Variants in CACNA1B observed in about 807,000 individuals in gnomAD.
CACNA1B encodes calcium voltage-gated channel subunit alpha1 B, also known as voltage-dependent N-type calcium channel subunit alpha-1B.
A neutral mutation model predicts 247.2 loss-of-function variants in CACNA1B; 70 were observed. The ratio of observed to expected loss-of-function variants is 0.28; its 90% confidence interval spans 0.23 to 0.35. The LOEUF is 0.35. Among genes scored for constraint, CACNA1B ranks in the 10% least tolerant of loss-of-function variants. The pLI, the probability that CACNA1B is intolerant of heterozygous loss-of-function variation, is 1.00. For missense variants in CACNA1B, 2,367 were observed against 3,197.4 expected, an observed-to-expected ratio of 0.74 and a Z score of 6.26; for synonymous variants, 1,231 against 1,294.4, an observed-to-expected ratio of 0.95 and a Z score of 1.05.
In CACNA1B at chr9:137,917,557, G is replaced by T; in HGVS notation, c.966+126G>T. 1 of 779,284 alleles carries T rather than the reference G, an allele frequency of 1.3e-6. No homozygotes were observed. Among genetic ancestry groups the T allele is most frequent in the Non-Finnish European group, 2.1e-6 (1 of 483,138 alleles). 48.3% of individuals were successfully genotyped at this position (779,284 alleles called of 1,614,324 possible). A position where few individuals can be genotyped will look rare whatever the true frequency, so the allele number is the denominator to read the frequency against. On this transcript the variant is annotated intron_variant, in intron 6 of 46. Transcript: ENST00000371372. The surrounding 1 kb of genome is among the most constrained non-coding windows in gnomAD (Gnocchi z 5.5). Reference sequence around the variant, plus strand: ...TCTGCCCAGCCCTAGGCTCCTCCCTGCACCCCTAGGATGAAATGCAGGCTC... The same window carrying T: ...TCTGCCCAGCCCTAGGCTCCTCCCTTCACCCCTAGGATGAAATGCAGGCTC...
chr9:138,103,436 C>T lies in CACNA1B; in HGVS notation c.5319+629C>T, dbSNP rs903343570. 5.3e-5 allele frequency among the ~76,000 whole-genome samples: 8 copies of T among 152,292 alleles called. No individual in the cohort carries two copies. The East Asian group carries it at 1.4e-3, about 26-fold the overall frequency. On this transcript the variant is annotated intron_variant, in intron 38 of 46. Coordinates refer to ENST00000371372, the MANE Select transcript of CACNA1B (RefSeq NM_000718.4). ...AGGCATCTTGCTATTATTCCTGGGG[C>T]CTCAGAGGGCTGCTGGAGGATGGGG...
At position 137,954,421 on chromosome 9, in the gene CACNA1B, C is replaced by CGAG; in HGVS notation, c.1071-1274_1071-1272dup. Reference sequence around the variant, plus strand: ...CCCTGTCCTGCCTCTTCTCACCCAGCGAGGACAGAAGCTCAGGGAGGGCTG... The same window carrying CGAG: ...CCCTGTCCTGCCTCTTCTCACCCAGCGAGGAGGACAGAAGCTCAGGGAGGGCTG... On this transcript the variant is annotated intron_variant, in intron 7 of 46. Coordinates refer to ENST00000371372, the MANE Select transcript of CACNA1B (RefSeq NM_000718.4). The surrounding 1 kb of genome is among the most constrained non-coding windows in gnomAD (Gnocchi z 4.1). Among the ~76,000 whole-genome samples the CGAG allele has an allele frequency of 6.6e-6, 1 of 152,324 alleles. No individual in the cohort carries two copies. Among genetic ancestry groups the CGAG allele is most frequent in the South Asian group, 2.1e-4 (1 of 4,826 alleles).
intron 15 of CACNA1B, among the ~76,000 whole-genome samples, chr9:138,002,429 C>A (rs936057657): frequency 2.0e-5 from 3 of 152,006 alleles, no homozygotes; most frequent in African/African-American, 7.2e-5. Flanking sequence ...GAGTAAGAGG[C>A]CAGGCATGGT....
intron 10 of CACNA1B, among the ~76,000 whole-genome samples, chr9:137,970,744 G>T (rs556340720): frequency 1.3e-5 from 2 of 152,204 alleles, no homozygotes; most frequent in Non-Finnish European, 2.9e-5. Context: ...CAGCAGGACT[G>T]GTGTGCGTGG....
At chr9:138,040,747 A>G (rs1316761661) in intron 20 of CACNA1B, 4 of 193,376 alleles carry the variant, frequency 2.1e-5, no homozygotes, top group Non-Finnish European at 2.3e-5. Context: ...TGCCCACCAG[A>G]GGAAGGGTGG....
chr9:137,995,613 T>C (rs1958489574), intron 15 of CACNA1B, among the ~76,000 whole-genome samples: 1 of 152,218 alleles, frequency 6.6e-6, no homozygotes, highest in African/African-American at 2.4e-5. Flanking sequence ...CTTCTAGACA[T>C]TGGCTAGGCA....
chr9:137,930,853 G>A (rs572642401), intron 6 of CACNA1B, among the ~76,000 whole-genome samples: 4 of 151,636 alleles, frequency 2.6e-5, no homozygotes, highest in Non-Finnish European at 5.9e-5. Context: ...CCTGTGTCTC[G>A]GGTAATTTTG....
chr9:138,023,796 G>A lies in CACNA1B; in HGVS notation c.3053G>A (p.Arg1018Gln). ...GAAGCCGACAAGGAAAAGGAGCTCCGGAACCACCAGCCCCGGTGAGTCCGC... is the reference window on the plus strand; with the variant it reads ...GAAGCCGACAAGGAAAAGGAGCTCCAGAACCACCAGCCCCGGTGAGTCCGC... ...IVEADKEKEL[R>Q]NHQPREPHCD... The change falls in exon 19 of 47, where the codon CGG (arginine) becomes CAG (glutamine). Residue 1018 changes from arginine (R) to glutamine (Q), a missense_variant. This residue lies in a region of CACNA1B where 631 missense variants were observed against 631.1 expected (regional missense o/e 1.00). Transcript: ENST00000371372. 1 of 1,429,100 alleles carries A rather than the reference G, an allele frequency of 7.0e-7. No homozygotes were observed. Among genetic ancestry groups the A allele is most frequent in the Non-Finnish European group, 9.6e-7 (1 of 1,037,214 alleles). The allele number at this position is 1,429,100 out of a possible 1,614,324, so 88.5% of individuals were successfully genotyped here. A position where few individuals can be genotyped will look rare whatever the true frequency, so the allele number is the denominator to read the frequency against.
intron 39 of CACNA1B, among the ~76,000 whole-genome samples, chr9:138,106,573 T>G (rs1961435614): frequency 1.3e-5 from 2 of 152,212 alleles, no homozygotes; most frequent in South Asian, 2.1e-4. Context: ...ATGGACACCA[T>G]CCTGGCCAAC....
intron 6 of CACNA1B, among the ~76,000 whole-genome samples, chr9:137,949,114 T>TACATATG (rs1564203176): frequency 0.054 from 46 of 858 alleles, no homozygotes; most frequent in South Asian, 0.071. Flanking sequence ...GTGGTGGCTG[T>TACATATG]GTGTCCAGTG....
chr9:138,045,621 C>T (rs921878483), intron 21 of CACNA1B, among the ~76,000 whole-genome samples: 17 of 152,288 alleles, frequency 1.1e-4, no homozygotes, highest in Admixed American at 2.6e-4. Context: ...CCTGCAAAGC[C>T]TGGGGTGGCT....
intron 18 of CACNA1B, among the ~76,000 whole-genome samples, 200 bp from the exon 19 acceptor site, chr9:138,022,811 G>T (rs1455749808): frequency 1.3e-5 from 2 of 151,864 alleles, no homozygotes; most frequent in African/African-American, 2.4e-5. Context: ...ACCGTGGGGG[G>T]GGGGGGCGGC....
chr9:138,043,573 C>T (rs1023748527), intron 20 of CACNA1B, among the ~76,000 whole-genome samples: 6 of 152,150 alleles, frequency 3.9e-5, no homozygotes, highest in African/African-American at 7.2e-5. Context: ...GGTCCGTTAG[C>T]GTCTCTGCGG....
At position 138,049,265 on chromosome 9, in the gene CACNA1B, C is replaced by T; in HGVS notation, c.3660C>T (p.Asn1220=). 1 of 1,613,776 alleles carries T rather than the reference C, an allele frequency of 6.2e-7. No individual in the cohort carries two copies. Among genetic ancestry groups the T allele is most frequent in the Non-Finnish European group, 8.5e-7 (1 of 1,179,638 alleles). ...HPGAYFRDLW[N]ILDFIVVSGA... is the part of the protein sequence containing the mutation. ...GAGCCTATTTCCGGGACTTGTGGAACATTCTGGACTTCATTGTGGTCAGTG... is the reference window on the plus strand; with the variant it reads ...GAGCCTATTTCCGGGACTTGTGGAATATTCTGGACTTCATTGTGGTCAGTG... The change falls in exon 24 of 47, where the codon AAC becomes AAT. Residue 1220 remains asparagine, a synonymous_variant. Coordinates refer to ENST00000371372, the MANE Select transcript of CACNA1B (RefSeq NM_000718.4).
At chr9:138,063,199 C>T (rs904022627) in intron 31 of CACNA1B, among the ~76,000 whole-genome samples, 1 of 151,850 alleles carries the variant, frequency 6.6e-6, no homozygotes, top group African/African-American at 2.4e-5. Flanking sequence ...GAGGCCAAGG[C>T]AGGGAACGTC....
At chr9:137,906,136 C>A (rs1295106305) in intron 3 of CACNA1B, among the ~76,000 whole-genome samples, 1 of 151,988 alleles carries the variant, frequency 6.6e-6, no homozygotes, top group South Asian at 2.1e-4. Context: ...ATAGAAATGT[C>A]CAGCCTGGGT....
rs911065971 is a variant in CACNA1B at position 138,121,730 on chromosome 9, G to A, written c.6751G>A (p.Gly2251Ser). Residue 2251 changes from glycine to serine, a missense_variant, in exon 47 of 47, where the codon GGC becomes AGC. Gly to Ser is a moderately conservative substitution (Grantham distance 56). This residue lies in a region of CACNA1B where 773 missense variants were observed against 779.4 expected (regional missense o/e 0.99). Coordinates refer to ENST00000371372, the MANE Select transcript of CACNA1B (RefSeq NM_000718.4). This position sits in a 1 kb window ranked among gnomAD's most constrained non-coding sequence, Gnocchi z 6.8. ...CCCCCTCAGCCAGCCCCTGGCCCCTGGCTCTCGAATTGGCTCTGACCCTTA... is the reference window on the plus strand; with the variant it reads ...CCCCCTCAGCCAGCCCCTGGCCCCTAGCTCTCGAATTGGCTCTGACCCTTA... ...RDPLSQPLAP[G>S]SRIGSDPYLG... 6.2e-7 allele frequency: 1 copy of A among 1,613,300 alleles called. No individual in the cohort carries two copies. Among genetic ancestry groups the A allele is most frequent in the Admixed American group, 1.7e-5 (1 of 60,008 alleles).
intron 15 of CACNA1B, among the ~76,000 whole-genome samples, chr9:137,988,817 G>C (rs1958398136): frequency 6.6e-6 from 1 of 152,186 alleles, no homozygotes; most frequent in Admixed American, 6.5e-5. Context: ...GCTGAGGAGG[G>C]GTGAAGGCTT....
chr9:138,047,155 C>T (rs531928200), intron 22 of CACNA1B, 122 bp downstream of exon 22: 2 of 958,280 alleles, frequency 2.1e-6, no homozygotes, highest in East Asian at 2.6e-5. Flanking sequence ...ACCCCTCCTT[C>T]CTCTGTCTGT....
Sources: allele counts gnomAD v4.1 joint callset (sites outside exome capture counted in the v4.1 genomes callset), GRCh38; gene constraint gnomAD v4.1.1; regional missense constraint gnomAD v4.1.1; non-coding constraint Gnocchi (gnomAD v3.1); transcripts MANE v1.5; gene names NCBI Gene and HGNC (gene_info 2026-07-23, HGNC 2026-07-21).